Variants in DSCAM observed in about 807,000 individuals in gnomAD.
DSCAM encodes the protein cell adhesion molecule DSCAM.
DSCAM carries 47 observed loss-of-function variants against 217.7 expected under a neutral mutation model. That is an observed-to-expected ratio of 0.22 (90% CI 0.17 to 0.28). The LOEUF (loss-of-function observed/expected upper bound fraction) is 0.28, where lower values mean the gene tolerates loss of function less well. Ranked by LOEUF, DSCAM falls within the 10% of genes least tolerant of loss-of-function variation. The pLI is 1.00. For missense variants in DSCAM, 2,080 were observed against 2,618.3 expected (o/e 0.79, Z 4.49); for synonymous variants, 1,056 against 1,015.3 (o/e 1.04, Z -0.76).
chr21:40,447,945 G>T (rs1423357517), intron 3 of DSCAM, among the ~76,000 whole-genome samples: 3 of 152,144 alleles, frequency 2.0e-5, no homozygotes, highest in African/African-American at 7.2e-5. Context: ...GGGCATTTTT[G>T]ATCAATTAGA....
At chr21:40,036,115 C>A (rs1381339087) in intron 32 of DSCAM, among the ~76,000 whole-genome samples, 1 of 131,820 alleles carries the variant, frequency 7.6e-6, no homozygotes, top group East Asian at 2.1e-4. Context: ...ACTAGAAAAG[C>A]AAGAGCAAAC....
chr21:40,280,644 A>T (rs1486824423), intron 10 of DSCAM, among the ~76,000 whole-genome samples: 2 of 152,240 alleles, frequency 1.3e-5, no homozygotes, highest in East Asian at 1.9e-4. Flanking sequence ...TCAAACAGTA[A>T]AAAAGTAAAT....
At chr21:40,520,073 A>G (rs2086172222) in intron 3 of DSCAM, among the ~76,000 whole-genome samples, 1 of 152,118 alleles carries the variant, frequency 6.6e-6, no homozygotes, top group Admixed American at 6.6e-5. Context: ...GAAGGCATTT[A>G]ACAACTCTAA....
rs1876893015 is a variant in DSCAM at position 40,024,722 on chromosome 21, T to C, written c.5687-11336A>G. 2.7e-5 allele frequency among the ~76,000 whole-genome samples: 2 copies of C among 74,752 alleles called. 1 individual carries two copies. Among genetic ancestry groups the C allele is most frequent in the Admixed American group, 3.0e-4 (2 of 6,580 alleles). The allele number at this position is 74,752 out of a possible 152,430, so 49.0% of individuals were successfully genotyped here. A position where few individuals can be genotyped will look rare whatever the true frequency, so the allele number is the denominator to read the frequency against. ...TTGTGACTTTTGTACATTGATTTTG[T>C]ATCCTGAGACTTTGCTGAAGTTGCT... On this transcript the variant is annotated intron_variant, in intron 32 of 32. Coordinates refer to ENST00000400454, the MANE Select transcript of DSCAM (RefSeq NM_001389.5).
chr21:40,156,332 A>G (rs1017475568), intron 16 of DSCAM, among the ~76,000 whole-genome samples: 1 of 139,558 alleles, frequency 7.2e-6, no homozygotes, highest in South Asian at 2.2e-4. Flanking sequence ...AGAGAGAGAG[A>G]GAGAGAGAAA....
chr21:40,293,931 T>G (rs2073924861), intron 10 of DSCAM, among the ~76,000 whole-genome samples: 1 of 152,194 alleles, frequency 6.6e-6, no homozygotes, highest in Non-Finnish European at 1.5e-5. Flanking sequence ...ATCATCAAAC[T>G]TTTAAAAATG....
At chr21:40,278,222 A>T (rs1206876068) in intron 10 of DSCAM, among the ~76,000 whole-genome samples, 1 of 152,230 alleles carries the variant, frequency 6.6e-6, no homozygotes, top group Non-Finnish European at 1.5e-5. Flanking sequence ...GAGAATAACT[A>T]AATAAGACCT....
rs2091533474 is a variant in DSCAM at position 40,780,443 on chromosome 21, A to ATATCTATC, written c.43+66175_43+66176insGATAGATA. Among the ~76,000 whole-genome samples, 9 of 143,544 alleles carry ATATCTATC rather than the reference A, an allele frequency of 6.3e-5. No homozygotes were observed. In the South Asian group the frequency reaches 2.0e-3, roughly 33 times the overall value. 94.2% of individuals were successfully genotyped at this position (143,544 alleles called of 152,430 possible). ...TGTGTGTATATATATATATATATAT[A>ATATCTATC]TATATCTCCTGTTATCCTATTTATG... On this transcript the variant is annotated intron_variant, in intron 1 of 32. Transcript: ENST00000400454.
At chr21:40,622,729 C>T (rs2089538028) in intron 3 of DSCAM, among the ~76,000 whole-genome samples, 1 of 152,166 alleles carries the variant, frequency 6.6e-6, no homozygotes, top group African/African-American at 2.4e-5. Context: ...ACAGTCAGCA[C>T]TTTTGGCCTG....
At chr21:40,560,616 T>A (rs1278687520) in intron 3 of DSCAM, among the ~76,000 whole-genome samples, 1 of 152,246 alleles carries the variant, frequency 6.6e-6, no homozygotes, top group Non-Finnish European at 1.5e-5. Context: ...TTAATACCTC[T>A]AACATACTGA....
intron 11 of DSCAM, among the ~76,000 whole-genome samples, chr21:40,255,257 T>A (rs1469271425): frequency 2.0e-5 from 3 of 152,130 alleles, no homozygotes; most frequent in Non-Finnish European, 2.9e-5. Flanking sequence ...CCCGCTCCGT[T>A]TTTGTGGTGT....
At chr21:40,672,236 A>G (rs2090285405) in intron 3 of DSCAM, among the ~76,000 whole-genome samples, 1 of 151,938 alleles carries the variant, frequency 6.6e-6, no homozygotes, top group Admixed American at 6.5e-5. Context: ...TTAGAGAGGG[A>G]CATAACATCA....
At chr21:40,168,942 T>A (rs1366954619) in intron 15 of DSCAM, among the ~76,000 whole-genome samples, 1 of 152,184 alleles carries the variant, frequency 6.6e-6, no homozygotes, top group Non-Finnish European at 1.5e-5. Flanking sequence ...ATTTGTATCA[T>A]AGGGTTGTTA....
rs543973453 is a variant in DSCAM at position 40,231,648 on chromosome 21, G to A, written c.2357-42410C>T. 8.0e-5 allele frequency among the ~76,000 whole-genome samples: 12 copies of A among 150,660 alleles called. No homozygotes were observed. The South Asian group carries it at 2.3e-3, about 29-fold the overall frequency. ...CTCCCAAGTAGCTGGGGTTACAGGA[G>A]CACACGACCATGCCCAGCTGACTGT... On this transcript the variant is annotated intron_variant, in intron 11 of 32. Transcript: ENST00000400454.
intron 21 of DSCAM, 67 bp downstream of exon 21, chr21:40,093,654 G>A: frequency 6.4e-7 from 1 of 1,559,116 alleles, no homozygotes; most frequent in Non-Finnish European, 8.8e-7. Flanking sequence ...TTTTATTTCA[G>A]GTAAAATAGA....
intron 31 of DSCAM, 101 bp downstream of exon 31, chr21:40,043,977 A>G (rs12483568): frequency 0.087 from 102,988 of 1,182,478 alleles, 5,025 homozygotes; most frequent in Middle Eastern, 0.12. Flanking sequence ...CATAAGTAAG[A>G]GGGAGGAAGC....
intron 11 of DSCAM, among the ~76,000 whole-genome samples, chr21:40,205,579 G>A (rs9982525): frequency 0.5 from 74,665 of 148,062 alleles, 19,232 homozygotes; most frequent in African/African-American, 0.62. Context: ...CTCCAGCTTG[G>A]GTGACAGAGC....
intron 1 of DSCAM, among the ~76,000 whole-genome samples, chr21:40,843,843 T>C (rs991874193): frequency 6.8e-6 from 1 of 147,194 alleles, no homozygotes; most frequent in Non-Finnish European, 1.5e-5. Flanking sequence ...CTAGCAACCA[T>C]ACTTTTATTA....
chr21:40,168,474 C>T (rs115675088), intron 15 of DSCAM, among the ~76,000 whole-genome samples: 31 of 152,258 alleles, frequency 2.0e-4, no homozygotes, highest in African/African-American at 7.2e-4. Context: ...TTCTGAGAAG[C>T]AGAAGCAAAT....
Sources: allele counts gnomAD v4.1 joint callset (sites outside exome capture counted in the v4.1 genomes callset), GRCh38; gene constraint gnomAD v4.1.1; transcripts MANE v1.5; gene names NCBI Gene and HGNC (gene_info 2026-07-23, HGNC 2026-07-21).